The following CP variants were observed in gnomAD, a reference collection of about 807,000 sequenced individuals.
CP encodes ceruloplasmin.
A neutral mutation model predicts 122.4 loss-of-function variants in CP; 64 were observed. The observed-to-expected ratio is 0.52, with a 90% confidence interval of 0.43 to 0.64. CP has a LOEUF of 0.64. Among genes scored for constraint, CP ranks in the 30% least tolerant of loss-of-function variants. The probability of loss-of-function intolerance (pLI) is 0.00; values close to 1 mark genes in which losing one functional copy is unlikely to be tolerated. For missense variants in CP, 1,167 were observed against 1,284.4 expected, an observed-to-expected ratio of 0.91 and a Z score of 1.40; for synonymous variants, 440 against 436.4, an observed-to-expected ratio of 1.01 and a Z score of -0.10.
chr3:149,200,028 T>G, intron 7 of CP, 164 bp from the exon 8 acceptor site: 5 of 684,634 alleles, frequency 7.3e-6, no homozygotes, highest in Non-Finnish European at 1.3e-5. Flanking sequence ...ATAATCAATC[T>G]GATATGTCGA....
At chr3:149,168,199 T>C, downstream of CP, 1 of 515,250 alleles carries the variant, frequency 1.9e-6, no homozygotes, top group Non-Finnish European at 3.5e-6. Flanking sequence ...AACTTAATCC[T>C]TTCAAACACT....
rs926702368 is a variant in CP, at chr3:149,198,640, A to C, written c.1502-62T>G. The C allele has an allele frequency of 2.1e-6, 3 of 1,417,008 alleles. No individual in the cohort carries two copies. The East Asian group carries it at 7.1e-5, about 33-fold the overall frequency. 87.8% of individuals were successfully genotyped at this position (1,417,008 alleles called of 1,614,324 possible). A position where few individuals can be genotyped will look rare whatever the true frequency, so the allele number is the denominator to read the frequency against. On this transcript the variant is annotated intron_variant, in intron 8 of 18. Transcript: ENST00000264613. ...TTTCTAACGTGGTCATTTGAGCCAC[A>C]AAGTAGACTAAGTTTAGTCTAGAAT...
intron 1 of CP, among the ~76,000 whole-genome samples, chr3:149,215,403 G>A (rs1316333621): frequency 6.6e-6 from 1 of 152,000 alleles, no homozygotes; most frequent in African/African-American, 2.4e-5. Flanking sequence ...AAAGTTTTTT[G>A]GGGGGGTTAA....
chr3:149,207,243 G>T, intron 5 of CP, 120 bp downstream of exon 5: 1 of 1,129,192 alleles, frequency 8.9e-7, no homozygotes, highest in Non-Finnish European at 1.3e-6. Context: ...CCATCATAGG[G>T]ATAAAACTAA....
chr3:149,219,583 T>C (rs980799145), intron 1 of CP, among the ~76,000 whole-genome samples: 2 of 152,220 alleles, frequency 1.3e-5, no homozygotes, highest in Non-Finnish European at 2.9e-5. Flanking sequence ...GCCATGATTG[T>C]GAGGCCTTCC....
At chr3:149,171,502 A>G (rs568193915), downstream of CP, among the ~76,000 whole-genome samples, 82 of 152,278 alleles carry the variant, frequency 5.4e-4, no homozygotes, top group African/African-American at 1.9e-3. Flanking sequence ...TCTTTAGAGG[A>G]TAGTAGAAAT....
intron 1 of CP, among the ~76,000 whole-genome samples, chr3:149,213,856 C>G (rs1359125968): frequency 6.6e-6 from 1 of 152,122 alleles, no homozygotes; most frequent in Admixed American, 6.5e-5. Flanking sequence ...TGTGAGAGCT[C>G]TGGACTTTCA....
At chr3:149,208,648 T>C (rs1436963971) in intron 4 of CP, among the ~76,000 whole-genome samples, 1 of 152,152 alleles carries the variant, frequency 6.6e-6, no homozygotes, top group Admixed American at 6.5e-5. Flanking sequence ...GAGAAATAGA[T>C]AATCTTACTA....
downstream of CP, among the ~76,000 whole-genome samples, chr3:149,171,704 T>TTTTC (rs1219080298): frequency 6.8e-6 from 1 of 147,198 alleles, no homozygotes; most frequent in African/African-American, 2.5e-5. Flanking sequence ...GCTTCTTTTT[T>TTTTC]TTTTTTTTTT....
Position 149,186,733 on chromosome 3 carries a change from C to A in CP, c.1865-1G>T. 5.0e-6 allele frequency: 8 copies of A among 1,612,706 alleles called. No homozygotes were observed. The highest frequency in any genetic ancestry group is 6.8e-6 in the Non-Finnish European group (8 of 1,179,040). On this transcript the variant is annotated splice_acceptor_variant, in intron 10 of 18. Transcript: ENST00000264613. LOFTEE classifies it high-confidence loss of function. ...TTCCCATACATGAATCCATTCATGGCTGTAAAAGTTGGGAAATAACATTTT... is the reference window on the plus strand; with the variant it reads ...TTCCCATACATGAATCCATTCATGGATGTAAAAGTTGGGAAATAACATTTT...
At chr3:149,181,319 A>C (rs536156224) in intron 14 of CP, among the ~76,000 whole-genome samples, 2 of 152,242 alleles carry the variant, frequency 1.3e-5, no homozygotes, top group South Asian at 4.2e-4. Context: ...CAATTCGTGC[A>C]CAATTACCTG....
chr3:149,180,410 T>G (rs998961589), intron 14 of CP, among the ~76,000 whole-genome samples: 1 of 152,222 alleles, frequency 6.6e-6, no homozygotes, highest in African/African-American at 2.4e-5. Context: ...TTTTCTCCAG[T>G]CTGATCTGCG....
chr3:149,212,100 T>C (rs1338629072), intron 2 of CP, among the ~76,000 whole-genome samples: 2 of 151,822 alleles, frequency 1.3e-5, no homozygotes, highest in Non-Finnish European at 2.9e-5. Flanking sequence ...AAGACCATCC[T>C]GGCTAACACG....
chr3:149,198,687 T>A, intron 8 of CP, 109 bp from the exon 9 acceptor site: 2 of 924,094 alleles, frequency 2.2e-6, no homozygotes, highest in Non-Finnish European at 3.5e-6. Context: ...GAGTTCTTTG[T>A]TATAAATTAG....
intron 1 of CP, 97 bp downstream of exon 1, chr3:149,221,550 G>C: frequency 8.5e-7 from 1 of 1,176,192 alleles, no homozygotes; most frequent in Non-Finnish European, 1.2e-6. Context: ...TGCAGTTTCT[G>C]TATATAAGAA....
intron 11 of CP, 46 bp downstream of exon 11, chr3:149,186,474 A>G: frequency 5.1e-6 from 8 of 1,580,474 alleles, no homozygotes; most frequent in African/African-American, 1.3e-5. Context: ...TTAAACCAAA[A>G]CTACACAAAT....
Position 149,202,126 on chromosome 3 carries a change from C to T in CP, c.1324G>A (p.Glu442Lys), listed in dbSNP as rs767531621. ...CCCAGGATGCCAAGATGCTCTTCTT[C>T]AGGGCCTCTCTCCTTTCGATTTGTG... ...SFTNRKERGPEEEHLGILGPV... is the reference protein window; with the variant it reads ...SFTNRKERGPKEEHLGILGPV... The change falls in exon 7 of 19, where the codon GAA (glutamate) becomes AAA (lysine). Residue 442 changes from glutamate to lysine, a missense_variant. Glu to Lys is a moderately conservative substitution (Grantham distance 56, BLOSUM62 1). This residue lies in a region of CP where 642 missense variants were observed against 627.3 expected (regional missense o/e 1.02). Coordinates refer to ENST00000264613, the MANE Select transcript of CP (RefSeq NM_000096.4). The T allele has an allele frequency of 7.4e-6, 12 of 1,614,022 alleles. No homozygotes were observed. In the Admixed American group the frequency reaches 2.0e-4, roughly 27 times the overall value.
chr3:149,192,542 T>C lies in CP; in HGVS notation c.1714-4340A>G, dbSNP rs1412104213. Among the ~76,000 whole-genome samples the C allele has an allele frequency of 2.0e-5, 3 of 150,078 alleles. No homozygotes were observed. The East Asian group carries it at 5.8e-4, about 29-fold the overall frequency. On this transcript the variant is annotated intron_variant, in intron 9 of 18. Coordinates refer to ENST00000264613, the MANE Select transcript of CP (RefSeq NM_000096.4). ...GGCTATGTAACACTGAAAACAGCTA[T>C]ATTGTCACAGGCAAACAAACAAAAA...
At chr3:149,175,754 C>T (rs1170966198) in intron 18 of CP, among the ~76,000 whole-genome samples, 4 of 148,516 alleles carry the variant, frequency 2.7e-5, no homozygotes, top group Admixed American at 6.7e-5. Context: ...TTGTTTCTTC[C>T]CTGGATCTTT....
Sources: gnomAD v4.1 joint callset for allele counts (sites outside exome capture counted in the v4.1 genomes callset) on GRCh38, gnomAD v4.1.1 for gene constraint, gnomAD v4.1.1 regional missense constraint, MANE v1.5 for transcripts, NCBI Gene and HGNC (gene_info 2026-07-23, HGNC 2026-07-21) for gene names.